Variants in ZNF385D observed in about 807,000 individuals in gnomAD.
ZNF385D encodes the protein zinc finger protein 385D, also known as zinc finger protein 659.
In ZNF385D, 15 loss-of-function variants were observed where a neutral mutation model predicts 35.8. The ratio of observed to expected loss-of-function variants is 0.42; its 90% CI spans 0.28 to 0.64. The LOEUF is 0.64. ZNF385D is among the 30% of genes least tolerant of loss of function. The pLI is 0.23. For missense variants in ZNF385D, 474 were observed against 494.6 expected, an observed-to-expected ratio of 0.96 and a Z score of 0.39; for synonymous variants, 212 against 186.8, an observed-to-expected ratio of 1.13 and a Z score of -1.10.
chr3:21,845,478 G>A (rs1359193032), intron 3 of ZNF385D, among the ~76,000 whole-genome samples: 1 of 151,692 alleles, frequency 6.6e-6, no homozygotes, highest in Non-Finnish European at 1.5e-5. Context: ...TCCCTCAGCT[G>A]ATACAAAGAT....
intron 4 of ZNF385D, among the ~76,000 whole-genome samples, chr3:21,442,405 C>CT (rs1701906732): frequency 6.6e-6 from 1 of 152,160 alleles, no homozygotes; most frequent in Non-Finnish European, 1.5e-5. Flanking sequence ...TTAAGTCTCA[C>CT]TCAGACTTGC....
chr3:22,349,361 T>C (rs773046521), intron 2 of ZNF385D, among the ~76,000 whole-genome samples: 51 of 152,132 alleles, frequency 3.4e-4, no homozygotes, highest in Non-Finnish European at 5.9e-4. Flanking sequence ...GGGACTTGCG[T>C]AGGAAAAATG....
chr3:22,124,103 C>G (rs184123334), intron 3 of ZNF385D, among the ~76,000 whole-genome samples: 36 of 151,862 alleles, frequency 2.4e-4, no homozygotes, highest in Admixed American at 1.1e-3. Flanking sequence ...CAATTCTCAG[C>G]TTCTGGTAAC....
At chr3:22,080,156 CTA>C (rs1313184985) in intron 3 of ZNF385D, among the ~76,000 whole-genome samples, 1 of 152,028 alleles carries the variant, frequency 6.6e-6, no homozygotes, top group Non-Finnish European at 1.5e-5. Context: ...ATGTGCCTGT[CTA>C]TGTCTTTAAT....
At chr3:22,184,623 C>T (rs567666554) in intron 2 of ZNF385D, among the ~76,000 whole-genome samples, 3 of 152,160 alleles carry the variant, frequency 2.0e-5, no homozygotes, top group East Asian at 1.9e-4. Context: ...GTCAGGAATT[C>T]GAGACCAGAC....
At chr3:22,167,503 A>C (rs1277912645) in intron 3 of ZNF385D, among the ~76,000 whole-genome samples, 1 of 152,170 alleles carries the variant, frequency 6.6e-6, no homozygotes, top group Non-Finnish European at 1.5e-5. Flanking sequence ...GCATATCCTC[A>C]TTCTTCTTAG....
At chr3:21,779,448 T>G (rs2071410891) in intron 3 of ZNF385D, among the ~76,000 whole-genome samples, 1 of 152,002 alleles carries the variant, frequency 6.6e-6, no homozygotes, top group Non-Finnish European at 1.5e-5. Flanking sequence ...TGCCTTTATA[T>G]AAATTGTATG....
chr3:21,565,028 A>G (rs1423940980), intron 2 of ZNF385D, among the ~76,000 whole-genome samples: 1 of 152,242 alleles, frequency 6.6e-6, no homozygotes, highest in Non-Finnish European at 1.5e-5. Flanking sequence ...AATCTAACAC[A>G]GAAGTATGTC....
chr3:22,000,659 T>G (rs899036083), intron 3 of ZNF385D, among the ~76,000 whole-genome samples: 1 of 151,362 alleles, frequency 6.6e-6, no homozygotes, highest in African/African-American at 2.4e-5. Flanking sequence ...GGGAAAAGCA[T>G]CAAGTCAAAT....
chr3:21,789,957 G>A (rs2071859415), intron 3 of ZNF385D, among the ~76,000 whole-genome samples: 1 of 152,178 alleles, frequency 6.6e-6, no homozygotes, highest in Admixed American at 6.5e-5. Flanking sequence ...GGCTAACACA[G>A]TCAGACTTCA....
chr3:21,931,247 AT>A (rs976159966), intron 3 of ZNF385D, among the ~76,000 whole-genome samples: 5 of 152,144 alleles, frequency 3.3e-5, no homozygotes, highest in African/African-American at 1.2e-4. Context: ...ATGATATATA[AT>A]TTTTTTACCC....
At chr3:21,820,508 C>A (rs939626788) in intron 3 of ZNF385D, among the ~76,000 whole-genome samples, 28 of 151,284 alleles carry the variant, frequency 1.9e-4, no homozygotes, top group Admixed American at 5.9e-4. Flanking sequence ...TTTTAAAAAA[C>A]TAAATAAGCT....
At chr3:21,879,290 TTGTC>T (rs1200613851) in intron 3 of ZNF385D, among the ~76,000 whole-genome samples, 2 of 152,028 alleles carry the variant, frequency 1.3e-5, no homozygotes, top group Admixed American at 1.3e-4. Flanking sequence ...CAAACTAGTG[TTGTC>T]TAAGTGACAG....
chr3:21,826,113 T>C (rs1694605664), intron 3 of ZNF385D, among the ~76,000 whole-genome samples: 1 of 152,146 alleles, frequency 6.6e-6, no homozygotes, highest in South Asian at 2.1e-4. Flanking sequence ...GGACGGCTGC[T>C]CTAGCCAACT....
At chr3:21,711,631 A>G (rs2068113015) in intron 1 of ZNF385D, among the ~76,000 whole-genome samples, 1 of 152,142 alleles carries the variant, frequency 6.6e-6, no homozygotes, top group Non-Finnish European at 1.5e-5. Flanking sequence ...CATCCCCAAA[A>G]ACACTCACTC....
intron 3 of ZNF385D, among the ~76,000 whole-genome samples, chr3:21,990,811 T>G (rs1695106275): frequency 6.6e-6 from 1 of 152,192 alleles, no homozygotes; most frequent in African/African-American, 2.4e-5. Context: ...CTGAACTTCT[T>G]TAACTATTGA....
intron 2 of ZNF385D, among the ~76,000 whole-genome samples, chr3:22,187,587 C>T (rs1695722368): frequency 6.6e-6 from 1 of 151,886 alleles, no homozygotes; most frequent in Admixed American, 6.6e-5. Flanking sequence ...GTGAAGAAAC[C>T]AGAAGGGAAC....
At position 22,164,216 on chromosome 3, in the gene ZNF385D, C is replaced by CTTTT. The variant is rs571978176; in HGVS notation, c.325+4597_325+4600dup. On this transcript the variant is annotated intron_variant, in intron 3 of 5. Transcript: ENST00000494108. Reference sequence around the variant, plus strand: ...CACTATAGGTAATACAAAAGGAGCACTTTTTTTTTTTTTTTTTTTTTTTTT... The same window carrying CTTTT: ...CACTATAGGTAATACAAAAGGAGCACTTTTTTTTTTTTTTTTTTTTTTTTTTTTT... Among the ~76,000 whole-genome samples, 224 of 74,940 alleles carry CTTTT rather than the reference C, an allele frequency of 3.0e-3. 21 individuals are homozygous for CTTTT. Among genetic ancestry groups the CTTTT allele is most frequent in the Non-Finnish European group, 4.6e-3 (183 of 39,762 alleles). The allele number at this position is 74,940 out of a possible 152,430, so 49.2% of individuals were successfully genotyped here. A position where few individuals can be genotyped will look rare whatever the true frequency, so the allele number is the denominator to read the frequency against.
At chr3:22,163,490 A>G (rs1225444366) in intron 3 of ZNF385D, among the ~76,000 whole-genome samples, 1 of 152,184 alleles carries the variant, frequency 6.6e-6, no homozygotes, top group Non-Finnish European at 1.5e-5. Context: ...TATTTTTCTC[A>G]GAAATGTGAA....
Sources: gnomAD v4.1 joint callset for allele counts (sites outside exome capture counted in the v4.1 genomes callset) on GRCh38, gnomAD v4.1.1 for gene constraint, MANE v1.5 for transcripts, NCBI Gene and HGNC (gene_info 2026-07-23, HGNC 2026-07-21) for gene names.